SERINC5: variants seen among roughly 807,000 people sequenced by gnomAD.
SERINC5 encodes chromosome 5 open reading frame 12.
SERINC5 carries 41 observed loss-of-function variants against 63.1 expected under a neutral mutation model. That is an observed-to-expected ratio of 0.65 (90% CI 0.51 to 0.84). SERINC5 has a LOEUF of 0.84. Among genes scored for constraint, SERINC5 ranks in the 40% least tolerant of loss-of-function variants. The probability of loss-of-function intolerance (pLI) is 0.00; values close to 1 mark genes in which losing one functional copy is unlikely to be tolerated. For missense variants in SERINC5, 523 were observed against 573.0 expected, an observed-to-expected ratio of 0.91 and a Z score of 0.89; for synonymous variants, 222 against 215.2, an observed-to-expected ratio of 1.03 and a Z score of -0.28.
chr5:80,125,250 T>C (rs1468448617), intron 11 of SERINC5, among the ~76,000 whole-genome samples: 1 of 152,224 alleles, frequency 6.6e-6, no homozygotes, highest in African/African-American at 2.4e-5. Context: ...TGTGAGGAGA[T>C]ACCACCACAT....
At chr5:80,212,379 T>A (rs976875000) in intron 1 of SERINC5, among the ~76,000 whole-genome samples, 1 of 152,160 alleles carries the variant, frequency 6.6e-6, no homozygotes, top group Non-Finnish European at 1.5e-5. Flanking sequence ...CAACACTGCA[T>A]CTTTTAACTA....
intron 1 of SERINC5, among the ~76,000 whole-genome samples, chr5:80,206,798 C>T (rs372734755): frequency 1.4e-4 from 21 of 146,544 alleles, no homozygotes; most frequent in African/African-American, 5.3e-4. Flanking sequence ...CTAACTGCCT[C>T]CTTCACTGAT....
At position 80,139,596 on chromosome 5, in the gene SERINC5, AAGAG is replaced by A. The variant is rs11267118; in HGVS notation, c.*4063_*4066del. On this transcript the variant is annotated 3_prime_UTR_variant, in exon 12 of 12. Coordinates refer to ENST00000507668, the MANE Select transcript of SERINC5 (RefSeq NM_001174072.3). The stretch of plus-strand genomic sequence containing the variant: ...TGAAAGAGTTGTTGAGAAAGAAGAA[AAGAG>A]AGAGAGAGAGAAAGGTCTAAACATC... 2.1e-5 allele frequency: 20 copies of A among 964,910 alleles called. No homozygotes were observed. The East Asian group carries it at 3.4e-4, about 17-fold the overall frequency. The allele number at this position is 964,910 out of a possible 1,614,324, so 59.8% of individuals were successfully genotyped here.
intron 11 of SERINC5, among the ~76,000 whole-genome samples, chr5:80,129,467 A>G (rs969164589): frequency 3.3e-5 from 5 of 152,012 alleles, no homozygotes; most frequent in Admixed American, 6.6e-5. Flanking sequence ...CCATGCCTGG[A>G]TAAGTTTTAA....
chr5:80,175,070 C>T (rs1442080720), intron 4 of SERINC5, 23 bp from the exon 5 acceptor site: 1 of 1,510,420 alleles, frequency 6.6e-7, no homozygotes, highest in Non-Finnish European at 9.0e-7. Context: ...ATGAAGAACA[C>T]AATGAGGCAA....
intron 1 of SERINC5, among the ~76,000 whole-genome samples, chr5:80,229,341 AT>A (rs59664490): frequency 0.02 from 2,459 of 120,170 alleles, 40 homozygotes; most frequent in African/African-American, 0.05. Flanking sequence ...TACTTACACA[AT>A]TTTTTTTTTT....
chr5:80,157,386 CAG>C (rs1746607928), intron 8 of SERINC5: 1 of 151,986 alleles, frequency 6.6e-6, no homozygotes. Flanking sequence ...TTTCAAAAGA[CAG>C]GGTCTCACTC....
chr5:80,193,295 C>T (rs548325331), intron 2 of SERINC5, among the ~76,000 whole-genome samples: 3 of 152,152 alleles, frequency 2.0e-5, no homozygotes, highest in Non-Finnish European at 4.4e-5. Context: ...TTCCATTCTT[C>T]GTTGTGCCAT....
chr5:80,249,212 G>C (rs931657197), intron 1 of SERINC5, among the ~76,000 whole-genome samples: 1 of 152,142 alleles, frequency 6.6e-6, no homozygotes, highest in Non-Finnish European at 1.5e-5. Flanking sequence ...CTACTCGGGA[G>C]GCTGAGGCGG....
chr5:80,136,906 C>T (rs12518629), downstream of SERINC5, among the ~76,000 whole-genome samples: 41,706 of 151,892 alleles, frequency 0.27, 6,204 homozygotes, highest in Admixed American at 0.35. Flanking sequence ...GAGGCCGAGG[C>T]AGGCAGATCA....
intron 12 of SERINC5, among the ~76,000 whole-genome samples, chr5:80,112,213 C>T (rs1296058453): frequency 2.0e-5 from 3 of 152,174 alleles, no homozygotes; most frequent in Admixed American, 1.3e-4. Context: ...GTATAAAACC[C>T]GATTGTAGAA....
intron 1 of SERINC5, among the ~76,000 whole-genome samples, chr5:80,221,265 T>A (rs1306328230): frequency 6.6e-6 from 1 of 152,216 alleles, no homozygotes; most frequent in African/African-American, 2.4e-5. Context: ...CAGGCACATT[T>A]AACAATCCTG....
intron 11 of SERINC5, among the ~76,000 whole-genome samples, chr5:80,122,180 G>A (rs947410470): frequency 8.8e-6 from 1 of 113,732 alleles, no homozygotes; most frequent in Non-Finnish European, 1.8e-5. Context: ...GGCTTCTCTA[G>A]AGGGACAGAA....
rs1482453597 is a variant in SERINC5 at position 80,143,829 on chromosome 5, T to C, written c.1239-19A>G. ...TTCGTAGCTGTGGAAACAAGACACC[T>C]AGCCGCGGTCAAAGCAGGAATATAT... On this transcript the variant is annotated intron_variant, in intron 11 of 11. Coordinates refer to ENST00000507668, the MANE Select transcript of SERINC5 (RefSeq NM_001174072.3). 2.6e-6 allele frequency: 4 copies of C among 1,535,662 alleles called. No individual in the cohort carries two copies. The South Asian group carries it at 4.8e-5, about 18-fold the overall frequency.
In SERINC5 at chr5:80,139,252, T is replaced by A; in HGVS notation, c.*4411A>T. 1.0e-6 allele frequency: 1 copy of A among 971,256 alleles called. No homozygotes were observed. The highest frequency in any genetic ancestry group is 1.2e-6 in the Non-Finnish European group (1 of 817,072). 60.2% of individuals were successfully genotyped at this position (971,256 alleles called of 1,614,324 possible). The stretch of plus-strand genomic sequence containing the variant: ...TTTTTGCAAAGTAAAAAGGCTTAAA[T>A]CTTTAATAAAGGAAAACAAAACAAT... On this transcript the variant is annotated 3_prime_UTR_variant, in exon 12 of 12. Transcript: ENST00000507668.
At chr5:80,197,860 A>G (rs1749605968) in intron 2 of SERINC5, among the ~76,000 whole-genome samples, 2 of 151,976 alleles carry the variant, frequency 1.3e-5, no homozygotes, top group African/African-American at 4.8e-5. Flanking sequence ...TTTCTTTTTG[A>G]GACAGAGTGT....
intron 1 of SERINC5, among the ~76,000 whole-genome samples, chr5:80,252,323 G>T (rs983650382): frequency 6.6e-6 from 1 of 152,024 alleles, no homozygotes; most frequent in Non-Finnish European, 1.5e-5. Context: ...GCCTCCCAAA[G>T]TGCTGGGATT....
intron 5 of SERINC5, among the ~76,000 whole-genome samples, chr5:80,172,634 T>G (rs1747740189): frequency 1.3e-5 from 2 of 149,300 alleles, no homozygotes; most frequent in African/African-American, 2.6e-5. Context: ...TGCCAGACAC[T>G]CCAATGACCT....
chr5:80,129,814 A>G (rs1330071245), intron 11 of SERINC5, among the ~76,000 whole-genome samples: 2 of 152,230 alleles, frequency 1.3e-5, no homozygotes, highest in Non-Finnish European at 2.9e-5. Context: ...TTAACTCCTT[A>G]GGGAAATTCC....
Sources: allele counts gnomAD v4.1 joint callset (sites outside exome capture counted in the v4.1 genomes callset), GRCh38; gene constraint gnomAD v4.1.1; transcripts MANE v1.5; gene names NCBI Gene and HGNC (gene_info 2026-07-23, HGNC 2026-07-21).